The following GAB2 variants were observed in gnomAD, a reference collection of about 807,000 sequenced individuals.
The protein encoded by GAB2 is GRB2-associated-binding protein 2.
GAB2 carries 26 observed loss-of-function variants against 65.5 expected under a neutral mutation model. The ratio of observed to expected loss-of-function variants is 0.40; its 90% CI spans 0.29 to 0.55. The LOEUF (loss-of-function observed/expected upper bound fraction) is 0.55, where lower values mean the gene tolerates loss of function less well. Among genes scored for constraint, GAB2 ranks in the 20% least tolerant of loss-of-function variants. The pLI is 0.53. For missense variants in GAB2, 884 were observed against 875.8 expected (o/e 1.01, Z -0.12); for synonymous variants, 321 against 329.6 (o/e 0.97, Z 0.28).
intron 1 of GAB2, among the ~76,000 whole-genome samples, chr11:78,409,504 C>A (rs567060359): frequency 6.6e-6 from 1 of 152,226 alleles, no homozygotes; most frequent in African/African-American, 2.4e-5. Flanking sequence ...GAATTGCTTG[C>A]ACCCAGGAGG....
intron 1 of GAB2, among the ~76,000 whole-genome samples, chr11:78,407,405 T>A (rs961582981): frequency 7.2e-5 from 11 of 151,788 alleles, no homozygotes; most frequent in Admixed American, 2.6e-4. Context: ...CTGAGTTGGG[T>A]GGATCACCTG....
intron 3 of GAB2, among the ~76,000 whole-genome samples, chr11:78,229,460 C>T (rs142043041): frequency 2.8e-4 from 43 of 152,146 alleles, no homozygotes; most frequent in Non-Finnish European, 5.3e-4. Flanking sequence ...CCTGCAATAA[C>T]CTTCAACATA....
At chr11:78,257,009 GTT>G (rs34131674) in intron 2 of GAB2, among the ~76,000 whole-genome samples, 3 of 148,482 alleles carry the variant, frequency 2.0e-5, no homozygotes, top group East Asian at 2.0e-4. Flanking sequence ...CTTTTAAACA[GTT>G]TTTTTTTTTC....
chr11:78,339,039 C>G, intron 1 of GAB2, among the ~76,000 whole-genome samples: 1 of 152,104 alleles, frequency 6.6e-6, no homozygotes, highest in Non-Finnish European at 1.5e-5. Flanking sequence ...TTTTGTGCGT[C>G]AACCTCCCGA....
intron 1 of GAB2, among the ~76,000 whole-genome samples, chr11:78,402,537 C>T (rs1856986734): frequency 6.6e-6 from 1 of 151,682 alleles, no homozygotes; most frequent in Non-Finnish European, 1.5e-5. Context: ...TCAAGCAATT[C>T]TCCGGCCTCA....
At chr11:78,348,948 C>T (rs971365428) in intron 1 of GAB2, among the ~76,000 whole-genome samples, 2 of 152,178 alleles carry the variant, frequency 1.3e-5, no homozygotes, top group Admixed American at 1.3e-4. Context: ...AAAAAGTGTA[C>T]ATACTGTACT....
chr11:78,408,924 A>G (rs1373097860), intron 1 of GAB2, among the ~76,000 whole-genome samples: 2 of 152,200 alleles, frequency 1.3e-5, no homozygotes, highest in Non-Finnish European at 2.9e-5. Context: ...ACTGTGGGCC[A>G]ATTAAACCTC....
rs1013173065 is a variant in GAB2 at position 78,385,139 on chromosome 11, T to C, written c.75+32507A>G. 3.9e-5 allele frequency among the ~76,000 whole-genome samples: 6 copies of C among 151,988 alleles called. No individual in the cohort carries two copies. The South Asian group carries it at 6.2e-4, about 16-fold the overall frequency. On this transcript the variant is annotated intron_variant, in intron 1 of 9. Coordinates refer to ENST00000361507, the MANE Select transcript of GAB2 (RefSeq NM_080491.3). ...GTATCAAAAAAGACCAGAATGAAAA[T>C]TGCCCAGAAAACAAAGGACAGGGAA...
chr11:78,230,427 C>T (rs187288756), intron 3 of GAB2, among the ~76,000 whole-genome samples: 1 of 152,244 alleles, frequency 6.6e-6, no homozygotes, highest in African/African-American at 2.4e-5. Flanking sequence ...CCACAAGAAG[C>T]CTTTTCACTC....
chr11:78,383,581 C>CAAA lies in GAB2; in HGVS notation c.75+34062_75+34064dup, dbSNP rs534814220. Among the ~76,000 whole-genome samples, 7 of 55,578 alleles carry CAAA rather than the reference C, an allele frequency of 1.3e-4. 1 individual carries two copies. The highest frequency in any genetic ancestry group is 1.3e-3 in the South Asian group (2 of 1,496). The allele number at this position is 55,578 out of a possible 152,430, so 36.5% of individuals were successfully genotyped here. A position where few individuals can be genotyped will look rare whatever the true frequency, so the allele number is the denominator to read the frequency against. ...GCAACATGGCAAAACCCTGTCTCTC[C>CAAA]AAAAAAAAAAAAAAAAAAATACAAA... On this transcript the variant is annotated intron_variant, in intron 1 of 9. Coordinates refer to ENST00000361507, the MANE Select transcript of GAB2 (RefSeq NM_080491.3).
At chr11:78,240,442 A>G (rs1028253968) in intron 3 of GAB2, among the ~76,000 whole-genome samples, 11 of 152,118 alleles carry the variant, frequency 7.2e-5, no homozygotes, top group African/African-American at 1.9e-4. Context: ...CTACAGGCCA[A>G]ACAACTCTAG....
chr11:78,273,918 A>G (rs987306640), intron 2 of GAB2, among the ~76,000 whole-genome samples: 4 of 152,150 alleles, frequency 2.6e-5, no homozygotes, highest in Non-Finnish European at 4.4e-5. Flanking sequence ...TGCCACTGAT[A>G]TAAGACATGA....
chr11:78,345,846 A>G (rs1396576787), intron 1 of GAB2, among the ~76,000 whole-genome samples: 1 of 152,222 alleles, frequency 6.6e-6, no homozygotes, highest in Non-Finnish European at 1.5e-5. Flanking sequence ...GACTGTCCTC[A>G]TCCTACCAGC....
At chr11:78,387,466 C>T (rs554076231) in intron 1 of GAB2, among the ~76,000 whole-genome samples, 2 of 152,280 alleles carry the variant, frequency 1.3e-5, no homozygotes, top group African/African-American at 4.8e-5. Context: ...AAAATCTCTA[C>T]CAATGGGTCA....
In GAB2 at chr11:78,318,886, C is replaced by T. The variant is rs1020686106; in HGVS notation, c.76-37985G>A. ...GATGCAGTAAAGACCCATCCCTTCCCGCACTGGAGCTGTTGGCTCATCCCT... is the reference window on the plus strand; with the variant it reads ...GATGCAGTAAAGACCCATCCCTTCCTGCACTGGAGCTGTTGGCTCATCCCT... On this transcript the variant is annotated intron_variant, in intron 1 of 9. Transcript: ENST00000361507. 3.3e-5 allele frequency among the ~76,000 whole-genome samples: 5 copies of T among 152,272 alleles called. 1 individual carries two copies. Among genetic ancestry groups the T allele is most frequent in the Admixed American group, 3.3e-4 (5 of 15,296 alleles).
At chr11:78,262,005 T>G (rs538983502) in intron 2 of GAB2, among the ~76,000 whole-genome samples, 18 of 152,194 alleles carry the variant, frequency 1.2e-4, no homozygotes, top group Admixed American at 2.0e-4. Context: ...ACAGTGACTC[T>G]GAGACAACTG....
chr11:78,355,526 C>A (rs1459487441), intron 1 of GAB2, among the ~76,000 whole-genome samples: 1 of 151,958 alleles, frequency 6.6e-6, no homozygotes. Flanking sequence ...AGAGACCAAG[C>A]TCAGGCGGGG....
chr11:78,276,583 C>T (rs1373211648), intron 2 of GAB2, among the ~76,000 whole-genome samples: 1 of 152,108 alleles, frequency 6.6e-6, no homozygotes, highest in African/African-American at 2.4e-5. Flanking sequence ...TGTCTGAGTA[C>T]TCAGACTCTA....
intron 1 of GAB2, among the ~76,000 whole-genome samples, chr11:78,330,388 C>T (rs535655904): frequency 3.3e-5 from 5 of 152,254 alleles, no homozygotes; most frequent in Non-Finnish European, 7.4e-5. Context: ...AAGGGAAATA[C>T]AAGGCTTTGC....
Sources: gnomAD v4.1 joint callset for allele counts (sites outside exome capture counted in the v4.1 genomes callset) on GRCh38, gnomAD v4.1.1 for gene constraint, MANE v1.5 for transcripts, NCBI Gene and HGNC (gene_info 2026-07-23, HGNC 2026-07-21) for gene names.